The following ASTN2 variants were observed in gnomAD, a reference collection of about 807,000 sequenced individuals.
The protein encoded by ASTN2 is astrotactin-2.
ASTN2 carries 54 observed loss-of-function variants against 139.8 expected under a neutral mutation model. That is an observed-to-expected ratio of 0.39 (90% CI 0.31 to 0.48). ASTN2 has a LOEUF of 0.48. ASTN2 is among the 20% of genes least tolerant of loss of function. The pLI, the probability that ASTN2 is intolerant of heterozygous loss-of-function variation, is 0.95. For missense variants in ASTN2, 1,565 were observed against 1,725.1 expected (o/e 0.91, Z 1.64); for synonymous variants, 756 against 719.5 (o/e 1.05, Z -0.81).
chr9:117,141,816 A>G (rs1475316391), intron 3 of ASTN2, among the ~76,000 whole-genome samples: 1 of 152,236 alleles, frequency 6.6e-6, no homozygotes, highest in Non-Finnish European at 1.5e-5. Context: ...AGACATATCC[A>G]GACAATTCTA....
intron 1 of ASTN2, among the ~76,000 whole-genome samples, chr9:117,344,962 T>G (rs1432267689): frequency 6.6e-6 from 1 of 152,198 alleles, no homozygotes; most frequent in Non-Finnish European, 1.5e-5. Context: ...ACATGCCGCC[T>G]GTACAAGAGT....
At chr9:117,109,317 A>G (rs1829190237) in intron 4 of ASTN2, among the ~76,000 whole-genome samples, 1 of 148,844 alleles carries the variant, frequency 6.7e-6, no homozygotes, top group South Asian at 2.1e-4. Context: ...ACAAACACAG[A>G]GGGAGACCCT....
At chr9:117,373,291 C>T (rs567601263) in intron 1 of ASTN2, among the ~76,000 whole-genome samples, 64 of 152,274 alleles carry the variant, frequency 4.2e-4, no homozygotes, top group Non-Finnish European at 8.4e-4. Flanking sequence ...TTAAGTCTTG[C>T]TTGTGTTCCA....
intron 3 of ASTN2, among the ~76,000 whole-genome samples, chr9:117,150,704 A>C (rs1423394410): frequency 6.6e-6 from 1 of 152,098 alleles, no homozygotes; most frequent in Non-Finnish European, 1.5e-5. Flanking sequence ...GAGTAAGCAC[A>C]TTTTTTAAGA....
At position 116,820,709 on chromosome 9, in the gene ASTN2, A is replaced by G; in HGVS notation, c.2115T>C (p.Asp705=). 1 of 1,614,246 alleles carries G rather than the reference A, an allele frequency of 6.2e-7. No homozygotes were observed. Among genetic ancestry groups the G allele is most frequent in the Non-Finnish European group, 8.5e-7 (1 of 1,180,042 alleles). The change falls in exon 12 of 23, where the codon GAT becomes GAC. Residue 705 remains aspartate (D), a synonymous_variant. Transcript: ENST00000313400. The part of the protein sequence containing the change: ...YDHSKGIDCS[D]GFNGGCEQLC... ...GCTGCTCACAGCCGCCATTAAAGCCATCAGAGCAGTCAATGCCTTTGGAGT... is the reference window on the plus strand; with the variant it reads ...GCTGCTCACAGCCGCCATTAAAGCCGTCAGAGCAGTCAATGCCTTTGGAGT...
rs140589523 is a variant in ASTN2, at chr9:116,698,018, C to T, written c.2806+27753G>A. 592 of 1,614,062 alleles carry T rather than the reference C, an allele frequency of 3.7e-4. 1 individual carries two copies. The highest frequency in any genetic ancestry group is 1.1e-3 in the African/African-American group (80 of 75,050). On this transcript the variant is annotated intron_variant, in intron 16 of 22. Transcript: ENST00000313400. This position sits in a 1 kb window ranked among gnomAD's most constrained non-coding sequence, Gnocchi z 4.4. ...AGATCATTGATACAGCTGGGCTCAG[C>T]GAGGCTGTGGGGCTGCTCATGTGTC...
intron 20 of ASTN2, among the ~76,000 whole-genome samples, chr9:116,450,213 C>A (rs73655120): frequency 0.017 from 2,630 of 152,242 alleles, 87 homozygotes; most frequent in African/African-American, 0.061. Flanking sequence ...GCTTTGAATG[C>A]ATTTTCTATG....
chr9:117,252,157 C>T (rs1006191267), intron 2 of ASTN2, among the ~76,000 whole-genome samples: 1 of 152,114 alleles, frequency 6.6e-6, no homozygotes, highest in African/African-American at 2.4e-5. Context: ...GAGATCAAGG[C>T]CAGGCTCATT....
At chr9:116,703,286 A>C (rs1289554429) in intron 16 of ASTN2, among the ~76,000 whole-genome samples, 3 of 150,176 alleles carry the variant, frequency 2.0e-5, no homozygotes, top group Non-Finnish European at 4.4e-5. Context: ...TCTTTTGAGA[A>C]GTGTCTGTTC....
At chr9:116,543,932 C>G (rs1265066726) in intron 19 of ASTN2, 1 of 152,162 alleles carries the variant, frequency 6.6e-6, no homozygotes, top group East Asian at 1.9e-4. Flanking sequence ...GTTACTGCCC[C>G]TCACAAAGCC....
At chr9:116,794,096 CTTT>C (rs35428342) in intron 13 of ASTN2, among the ~76,000 whole-genome samples, 5 of 123,822 alleles carry the variant, frequency 4.0e-5, no homozygotes, top group Non-Finnish European at 3.3e-5. Context: ...AAATAAACAC[CTTT>C]TTTTTTTTTT....
chr9:117,169,521 G>A (rs1280868144), intron 3 of ASTN2, among the ~76,000 whole-genome samples: 4 of 152,056 alleles, frequency 2.6e-5, no homozygotes, highest in Non-Finnish European at 5.9e-5. Flanking sequence ...CAAACAGAGG[G>A]TATTAATTAT....
chr9:116,995,808 T>G (rs939042415), intron 7 of ASTN2, among the ~76,000 whole-genome samples: 4 of 152,156 alleles, frequency 2.6e-5, no homozygotes, highest in African/African-American at 9.7e-5. Context: ...TTCTAAGGCA[T>G]GCAACTTCTG....
At chr9:116,531,383 A>T (rs1457214388) in intron 19 of ASTN2, among the ~76,000 whole-genome samples, 1 of 152,180 alleles carries the variant, frequency 6.6e-6, no homozygotes. Flanking sequence ...TTTTTTTATT[A>T]TACTTTAAGT....
intron 20 of ASTN2, among the ~76,000 whole-genome samples, chr9:116,482,760 A>G (rs1849214605): frequency 6.6e-6 from 1 of 152,196 alleles, no homozygotes; most frequent in Non-Finnish European, 1.5e-5. Flanking sequence ...CTCTGGCCTA[A>G]GCCTCTGTTC....
At chr9:116,629,100 T>C (rs1046363130) in intron 17 of ASTN2, among the ~76,000 whole-genome samples, 4 of 151,120 alleles carry the variant, frequency 2.6e-5, no homozygotes, top group Non-Finnish European at 5.9e-5. Flanking sequence ...GCTTTTACTG[T>C]TTCCAGTAAC....
chr9:116,863,927 G>C (rs1344360879), intron 10 of ASTN2, among the ~76,000 whole-genome samples, 194 bp from the exon 11 acceptor site: 1 of 152,190 alleles, frequency 6.6e-6, no homozygotes, highest in African/African-American at 2.4e-5. Context: ...TTGTGATACA[G>C]AGAAATGGAC....
chr9:117,338,620 G>A (rs1038686469), intron 1 of ASTN2, among the ~76,000 whole-genome samples: 1 of 152,130 alleles, frequency 6.6e-6, no homozygotes, highest in African/African-American at 2.4e-5. Context: ...CAAAATAGGG[G>A]AAGGTGCTTC....
chr9:117,206,373 C>T (rs944264523), intron 3 of ASTN2, among the ~76,000 whole-genome samples: 2 of 152,194 alleles, frequency 1.3e-5, no homozygotes, highest in Non-Finnish European at 2.9e-5. Context: ...GTCCCTACTA[C>T]AGGAGAATTC....
Sources: allele counts gnomAD v4.1 joint callset (sites outside exome capture counted in the v4.1 genomes callset), GRCh38; gene constraint gnomAD v4.1.1; non-coding constraint Gnocchi (gnomAD v3.1); transcripts MANE v1.5; gene names NCBI Gene and HGNC (gene_info 2026-07-23, HGNC 2026-07-21).